ARHGAP23: variants seen among roughly 807,000 people sequenced by gnomAD.
ARHGAP23 encodes Rho GTPase activating protein 23, also known as rho GTPase-activating protein 23.
ARHGAP23 carries 34 observed loss-of-function variants against 136.3 expected under a neutral mutation model. The ratio of observed to expected loss-of-function variants is 0.25; its 90% CI spans 0.19 to 0.33. The LOEUF (loss-of-function observed/expected upper bound fraction) is 0.33. Among genes scored for constraint, ARHGAP23 ranks in the 10% least tolerant of loss-of-function variants. The pLI is 1.00. For missense variants in ARHGAP23, 1,808 were observed against 2,139.0 expected, an observed-to-expected ratio of 0.85 and a Z score of 3.05; for synonymous variants, 832 against 920.5, an observed-to-expected ratio of 0.90 and a Z score of 1.74.
chr17:38,423,505 G>A (rs917469364), upstream of ARHGAP23, among the ~76,000 whole-genome samples: 1 of 152,044 alleles, frequency 6.6e-6, no homozygotes, highest in African/African-American at 2.4e-5. Context: ...CTGAGTAGCT[G>A]GGATTACAGG....
chr17:38,477,792 C>T lies in ARHGAP23; in HGVS notation c.2332C>T (p.Leu778=), dbSNP rs2039933257. ...GACCAAGAGGAGGCACGTGTTCCGG[C>T]TGACCACCGCTGACTTCTGTGAATA... The part of the protein sequence containing the change: ...SETKRRHVFR[L]TTADFCEYLF... The change falls in exon 12 of 24, where the codon CTG becomes TTG. Residue 778 remains leucine, a synonymous_variant. Transcript: ENST00000622683. The surrounding 1 kb of genome is among the most constrained non-coding windows in gnomAD (Gnocchi z 6.6). The T allele has an allele frequency of 6.5e-7, 1 of 1,549,956 alleles. No individual in the cohort carries two copies. The highest frequency in any genetic ancestry group is 1.4e-5 in the African/African-American group (1 of 73,064).
In ARHGAP23 at chr17:38,503,964, A is replaced by C. The variant is rs188002097; in HGVS notation, c.3447+3336A>C. 5.3e-4 allele frequency among the ~76,000 whole-genome samples: 81 copies of C among 152,286 alleles called. 1 individual carries two copies. The Middle Eastern group carries it at 0.01, about 19-fold the overall frequency. On this transcript the variant is annotated intron_variant, in intron 23 of 23. Transcript: ENST00000622683. ...TTTTCACGAACATCGGTTTCATTTC[A>C]TTTTTACGGAAGACCCTTGAATTTT...
intron 1 of ARHGAP23, among the ~76,000 whole-genome samples, chr17:38,444,097 C>A (rs948502252): frequency 6.6e-6 from 1 of 152,102 alleles, no homozygotes; most frequent in Non-Finnish European, 1.5e-5. Context: ...CAAAGGGAGA[C>A]CCCGAGATTC....
chr17:38,490,689 TC>T lies in ARHGAP23; in HGVS notation c.3150+142del, dbSNP rs2040258099. 7.0e-6 allele frequency: 5 copies of T among 711,532 alleles called. No individual in the cohort carries two copies. In the East Asian group the frequency reaches 8.1e-5, roughly 12 times the overall value. 44.1% of individuals were successfully genotyped at this position (711,532 alleles called of 1,614,324 possible). On this transcript the variant is annotated intron_variant, in intron 19 of 23. Coordinates refer to ENST00000622683, the MANE Select transcript of ARHGAP23 (RefSeq NM_001199417.2). ...ACGCCCTCCTCCTATGACTGCTCCG[TC>T]CCCACCCCGCTCCTACATGCTGGTC...
At chr17:38,507,615 C>T (rs1334108523) in intron 23 of ARHGAP23, among the ~76,000 whole-genome samples, 3 of 152,158 alleles carry the variant, frequency 2.0e-5, no homozygotes, top group Non-Finnish European at 4.4e-5. Flanking sequence ...GTAGTTTGAT[C>T]AGGTGATCCT....
rs1449498299 is a variant in ARHGAP23, at chr17:38,497,769, T to C, written c.3277-16T>C. 3 of 1,550,616 alleles carry C rather than the reference T, an allele frequency of 1.9e-6. No homozygotes were observed. In the South Asian group the frequency reaches 3.6e-5, roughly 18 times the overall value. ...TCCCATGCTGATTTCATCCCTTCCT[T>C]TTGTCTTCTCTGCAGTCAGACTGGT... On this transcript the variant is annotated splice_polypyrimidine_tract_variant and intron_variant, in intron 20 of 23. Coordinates refer to ENST00000622683, the MANE Select transcript of ARHGAP23 (RefSeq NM_001199417.2).
intron 1 of ARHGAP23, among the ~76,000 whole-genome samples, chr17:38,455,727 G>T (rs1034121007): frequency 4.6e-5 from 7 of 152,336 alleles, no homozygotes; most frequent in African/African-American, 1.7e-4. Flanking sequence ...AGGGGCTTCT[G>T]GTAGGAGAGG....
intron 1 of ARHGAP23, among the ~76,000 whole-genome samples, chr17:38,441,948 C>T (rs151167560): frequency 6.6e-6 from 1 of 151,872 alleles, no homozygotes; most frequent in African/African-American, 2.4e-5. Flanking sequence ...TTTTTCCCCA[C>T]CCCTTTCTCC....
Position 38,463,108 on chromosome 17 carries a change from T to G in ARHGAP23, c.350-10T>G. On this transcript the variant is annotated splice_polypyrimidine_tract_variant and intron_variant, in intron 4 of 23. Coordinates refer to ENST00000622683, the MANE Select transcript of ARHGAP23 (RefSeq NM_001199417.2). ...CCTTTGGTCACCACTCATGCGCTCC[T>G]TGTCCCCAGGAGACCGGCTGGTAAA... is the stretch of plus-strand genomic sequence containing the variant. The G allele has an allele frequency of 6.4e-7, 1 of 1,551,144 alleles. No individual in the cohort carries two copies. Among genetic ancestry groups the G allele is most frequent in the Non-Finnish European group, 8.7e-7 (1 of 1,146,708 alleles).
At chr17:38,461,522 C>T (rs1053428345) in intron 3 of ARHGAP23, among the ~76,000 whole-genome samples, 4 of 152,194 alleles carry the variant, frequency 2.6e-5, no homozygotes, top group South Asian at 4.1e-4. Context: ...CTGGGGCTTT[C>T]GCTGGGCAGC....
rs1489315238 is a variant in ARHGAP23, at chr17:38,498,505, G to C, written c.3410G>C (p.Gly1137Ala). Residue 1137 changes from glycine to alanine, a missense_variant, in exon 22 of 24, where the codon GGG (glycine) becomes GCG (alanine). Around this residue, in one of 7 missense-constraint regions of ARHGAP23, gnomAD observed 104 missense variants for 131.8 expected, o/e 0.79. Coordinates refer to ENST00000622683, the MANE Select transcript of ARHGAP23 (RefSeq NM_001199417.2). ...AGGACAGTGCCCCCTGGCGACCCGG[G>C]GTCAGGTGAGCGCAGGGGCCTGGGA... ...IGRTVPPGDP[G>A]SDSTTCSSAK... 6.5e-7 allele frequency: 1 copy of C among 1,546,834 alleles called. No homozygotes were observed. The highest frequency in any genetic ancestry group is 8.7e-7 in the Non-Finnish European group (1 of 1,145,344).
chr17:38,464,370 CA>C (rs1200485310), intron 6 of ARHGAP23, among the ~76,000 whole-genome samples: 1 of 152,214 alleles, frequency 6.6e-6, no homozygotes, highest in Non-Finnish European at 1.5e-5. Context: ...GCCCAGTGCC[CA>C]CCTCCCTGGT....
rs139570359 is a variant in ARHGAP23 at position 38,436,647 on chromosome 17, G to A, written c.63+8099G>A. ...GGCCTCCTTGTCTGCTTTTCCTACC[G>A]CCCAAAAGCCAGACAAAAAGTCTCC... is the stretch of plus-strand genomic sequence containing the variant. On this transcript the variant is annotated intron_variant, in intron 1 of 23. Coordinates refer to ENST00000622683, the MANE Select transcript of ARHGAP23 (RefSeq NM_001199417.2). Among the ~76,000 whole-genome samples the A allele has an allele frequency of 1.2e-3, 183 of 152,264 alleles. 1 individual carries two copies. The highest frequency in any genetic ancestry group is 6.8e-3 in the Middle Eastern group (2 of 294).
At chr17:38,464,524 C>T (rs1023167076) in intron 6 of ARHGAP23, among the ~76,000 whole-genome samples, 27 of 152,342 alleles carry the variant, frequency 1.8e-4, no homozygotes, top group African/African-American at 6.5e-4. Context: ...GGCATGATGC[C>T]CTTCTGGAAA....
At chr17:38,431,227 GCTTGT>G (rs1236460955) in intron 1 of ARHGAP23, among the ~76,000 whole-genome samples, 1 of 152,202 alleles carries the variant, frequency 6.6e-6, no homozygotes, top group Non-Finnish European at 1.5e-5. Context: ...CAGCTTAGTT[GCTTGT>G]CTTTTGTTCT....
chr17:38,461,065 C>A, intron 3 of ARHGAP23, 133 bp downstream of exon 3: 1 of 1,459,880 alleles, frequency 6.8e-7, no homozygotes, highest in South Asian at 1.4e-5. Flanking sequence ...GCCTTTGCTC[C>A]TGTCTGTGCC....
In ARHGAP23 at chr17:38,473,382, C is replaced by T. The variant is rs546509060; in HGVS notation, c.2118+1376C>T. Among the ~76,000 whole-genome samples the T allele has an allele frequency of 4.6e-5, 7 of 152,282 alleles. No homozygotes were observed. In the East Asian group the frequency reaches 9.7e-4, roughly 21 times the overall value. The stretch of plus-strand genomic sequence containing the variant: ...CACATATCAAGCACGTGGCTTTGGG[C>T]ACCCCACTTACCTTCCCTGAGCCTC... On this transcript the variant is annotated intron_variant, in intron 11 of 23. Coordinates refer to ENST00000622683, the MANE Select transcript of ARHGAP23 (RefSeq NM_001199417.2).
At position 38,432,258 on chromosome 17, in the gene ARHGAP23, C is replaced by T. The variant is rs112852681; in HGVS notation, c.63+3710C>T. On this transcript the variant is annotated intron_variant, in intron 1 of 23. Coordinates refer to ENST00000622683, the MANE Select transcript of ARHGAP23 (RefSeq NM_001199417.2). ...GACAGATTAAGAAACTGACACAGGC[C>T]GGGTACAGTGGCTCACACCTGTAAT... Among the ~76,000 whole-genome samples the T allele has an allele frequency of 4.5e-3, 681 of 152,326 alleles. 4 individuals carry two copies. The highest frequency in any genetic ancestry group is 8.3e-3 in the Non-Finnish European group (566 of 68,016).
chr17:38,490,394 T>C lies in ARHGAP23; in HGVS notation c.3061-68T>C, dbSNP rs1247084498. 3.1e-6 allele frequency: 4 copies of C among 1,304,252 alleles called. No individual in the cohort carries two copies. In the African/African-American group the frequency reaches 4.4e-5, roughly 14 times the overall value. 80.8% of individuals were successfully genotyped at this position (1,304,252 alleles called of 1,614,324 possible). ...ATGGTAGTGGGAGATCTTTGGGGCA[T>C]GGTGATGACGGGGGACAGGGGCAGG... On this transcript the variant is annotated intron_variant, in intron 18 of 23. Coordinates refer to ENST00000622683, the MANE Select transcript of ARHGAP23 (RefSeq NM_001199417.2).
Sources: gnomAD v4.1 joint callset for allele counts (sites outside exome capture counted in the v4.1 genomes callset) on GRCh38, gnomAD v4.1.1 for gene constraint, gnomAD v4.1.1 regional missense constraint, Gnocchi (gnomAD v3.1) non-coding constraint, MANE v1.5 for transcripts, NCBI Gene and HGNC (gene_info 2026-07-23, HGNC 2026-07-21) for gene names.